Variants in CFHR3 observed in about 807,000 individuals in gnomAD.
The protein encoded by CFHR3 is complement factor H related 3.
CFHR3 carries 22 observed loss-of-function variants against 36.0 expected under a neutral mutation model. The ratio of observed to expected loss-of-function variants is 0.61; its 90% confidence interval spans 0.44 to 0.87. The LOEUF (loss-of-function observed/expected upper bound fraction) is 0.87. Among genes scored for constraint, CFHR3 ranks in the 40% least tolerant of loss-of-function variants. The pLI is 0.00. For missense variants in CFHR3, 276 were observed against 401.3 expected, an observed-to-expected ratio of 0.69 and a Z score of 2.67; for synonymous variants, 97 against 137.4, an observed-to-expected ratio of 0.71 and a Z score of 2.06.
intron 3 of CFHR3, among the ~76,000 whole-genome samples, chr1:196,782,482 G>A (rs1449280958): frequency 7.3e-6 from 1 of 136,420 alleles, no homozygotes; most frequent in East Asian, 2.0e-4. Context: ...ATTTCCTTGA[G>A]CAGTGGTTTG....
rs1654256452 is a variant in CFHR3 at position 196,787,507 on chromosome 1, C to T, written c.431-709C>T. On this transcript the variant is annotated intron_variant, in intron 3 of 5. Transcript: ENST00000367425. The stretch of plus-strand genomic sequence containing the variant: ...TTTTGAATTACTAATTAGAAAAGAA[C>T]ATATACATTACTAATATCTTAAAAC... Among the ~76,000 whole-genome samples, 2 of 137,188 alleles carry T rather than the reference C, an allele frequency of 1.5e-5. 1 individual carries two copies. The highest frequency in any genetic ancestry group is 5.0e-4 in the South Asian group (2 of 3,976). 90.0% of individuals were successfully genotyped at this position (137,188 alleles called of 152,430 possible).
chr1:196,780,681 A>C lies in CFHR3; in HGVS notation c.430+708A>C, dbSNP rs1653911391. On this transcript the variant is annotated intron_variant, in intron 3 of 5. Coordinates refer to ENST00000367425, the MANE Select transcript of CFHR3 (RefSeq NM_021023.6). ...TCTCTTTTAATTATATGTAATGCAAATGCATTCTCTTTGTGGCTAGTATTG... is the reference window on the plus strand; with the variant it reads ...TCTCTTTTAATTATATGTAATGCAACTGCATTCTCTTTGTGGCTAGTATTG... Among the ~76,000 whole-genome samples the C allele has an allele frequency of 2.2e-5, 3 of 136,794 alleles. 1 individual carries two copies. The highest frequency in any genetic ancestry group is 5.1e-4 in the South Asian group (2 of 3,958). The allele number at this position is 136,794 out of a possible 152,430, so 89.7% of individuals were successfully genotyped here. A position where few individuals can be genotyped will look rare whatever the true frequency, so the allele number is the denominator to read the frequency against.
intron 3 of CFHR3, among the ~76,000 whole-genome samples, chr1:196,780,834 G>T: frequency 7.6e-6 from 1 of 132,330 alleles, no homozygotes. Context: ...AAGTTTTAGG[G>T]TACATGTGCA....
rs531299128 is a variant in CFHR3, at chr1:196,794,667, G to A, written c.*1154G>A. 2.8e-6 allele frequency: 1 copy of A among 352,156 alleles called. No individual in the cohort carries two copies. Among genetic ancestry groups the A allele is most frequent in the Non-Finnish European group, 5.5e-6 (1 of 183,072 alleles). The allele number at this position is 352,156 out of a possible 1,614,324, so 21.8% of individuals were successfully genotyped here. ...ATTGCCTTCACTCTCTTTCTGTTCT[G>A]TACTTTTCTTTGTATATAAGGATTT... On this transcript the variant is annotated 3_prime_UTR_variant, in exon 6 of 6. Transcript: ENST00000367425.
intron 3 of CFHR3, among the ~76,000 whole-genome samples, chr1:196,785,379 G>T (rs1654154044): frequency 7.4e-6 from 1 of 134,362 alleles, no homozygotes. Flanking sequence ...AGTTCTCCTG[G>T]ATAATATCCT....
rs1184581397 is a variant in CFHR3, at chr1:196,787,889, T to C, written c.431-327T>C. Reference sequence around the variant, plus strand: ...AATAGTACCAAAAATACTCAGGTTGTTGCAAAGTAGCCAGAAAGTCTTCCA... The same window carrying C: ...AATAGTACCAAAAATACTCAGGTTGCTGCAAAGTAGCCAGAAAGTCTTCCA... On this transcript the variant is annotated intron_variant, in intron 3 of 5. Coordinates refer to ENST00000367425, the MANE Select transcript of CFHR3 (RefSeq NM_021023.6). 1.5e-5 allele frequency among the ~76,000 whole-genome samples: 2 copies of C among 137,176 alleles called. 1 individual carries two copies. Among genetic ancestry groups the C allele is most frequent in the Non-Finnish European group, 3.1e-5 (2 of 64,620 alleles). The allele number at this position is 137,176 out of a possible 152,430, so 90.0% of individuals were successfully genotyped here.
At position 196,783,670 on chromosome 1, in the gene CFHR3, T is replaced by A. The variant is rs567008048; in HGVS notation, c.430+3697T>A. Among the ~76,000 whole-genome samples the A allele has an allele frequency of 6.6e-5, 9 of 136,046 alleles. 1 individual carries two copies. Among genetic ancestry groups the A allele is most frequent in the Non-Finnish European group, 1.2e-4 (8 of 64,356 alleles). The allele number at this position is 136,046 out of a possible 152,430, so 89.3% of individuals were successfully genotyped here. The stretch of plus-strand genomic sequence containing the variant: ...TGATATCCCCTTTATCATTTTTTAT[T>A]GTGTCTATTTGATTCATCTCTCTTT... On this transcript the variant is annotated intron_variant, in intron 3 of 5. Transcript: ENST00000367425.
intron 1 of CFHR3, among the ~76,000 whole-genome samples, chr1:196,777,054 T>C (rs1432048334): frequency 7.3e-6 from 1 of 136,508 alleles, no homozygotes; most frequent in Non-Finnish European, 1.6e-5. Flanking sequence ...TTGCTTATGC[T>C]AAGAATTTTT....
In CFHR3 at chr1:196,795,224, A is replaced by G. The variant is rs1168918484; in HGVS notation, c.*1711A>G. ...GGAGCAGTTTCCCCATACCCCACTC[A>G]TGGTAGTAAATACATCTCATGAGAT... On this transcript the variant is annotated 3_prime_UTR_variant, in exon 6 of 6. Transcript: ENST00000367425. The G allele has an allele frequency of 7.4e-6, 1 of 136,002 alleles. No individual in the cohort carries two copies. The highest frequency in any genetic ancestry group is 1.6e-5 in the Non-Finnish European group (1 of 64,326). 8.4% of individuals were successfully genotyped at this position (136,002 alleles called of 1,614,324 possible). A position where few individuals can be genotyped will look rare whatever the true frequency, so the allele number is the denominator to read the frequency against.
Position 196,793,737 on chromosome 1 carries a change from T to G in CFHR3, c.*224T>G. The G allele has an allele frequency of 2.5e-6, 1 of 402,546 alleles. No individual in the cohort carries two copies. Among genetic ancestry groups the G allele is most frequent in the Non-Finnish European group, 4.3e-6 (1 of 232,932 alleles). The allele number at this position is 402,546 out of a possible 1,614,324, so 24.9% of individuals were successfully genotyped here. A position where few individuals can be genotyped will look rare whatever the true frequency, so the allele number is the denominator to read the frequency against. ...CTTGTACTAAAATAATAAAAACTAC[T>G]CTTATATTGGACTTCTTATCAATGA... On this transcript the variant is annotated 3_prime_UTR_variant, in exon 6 of 6. Transcript: ENST00000367425.
chr1:196,787,037 G>A (rs1259702042), intron 3 of CFHR3, among the ~76,000 whole-genome samples: 1 of 137,548 alleles, frequency 7.3e-6, no homozygotes, highest in Non-Finnish European at 1.5e-5. Flanking sequence ...TACTTTTTAA[G>A]TAAAGGGGAC....
intron 3 of CFHR3, among the ~76,000 whole-genome samples, chr1:196,786,805 C>T (rs978736170): frequency 7.3e-6 from 1 of 137,168 alleles, no homozygotes; most frequent in East Asian, 2.0e-4. Flanking sequence ...CGGTGCGCTG[C>T]ACCCATTGTC....
At chr1:196,778,723 T>C (rs1171441509) in intron 1 of CFHR3, among the ~76,000 whole-genome samples, 1 of 136,588 alleles carries the variant, frequency 7.3e-6, no homozygotes, top group Non-Finnish European at 1.6e-5. Flanking sequence ...ATGTTTAGAG[T>C]CATATTTCTT....
At position 196,793,665 on chromosome 1, in the gene CFHR3, A is replaced by C; in HGVS notation, c.*152A>C. On this transcript the variant is annotated 3_prime_UTR_variant, in exon 6 of 6. Coordinates refer to ENST00000367425, the MANE Select transcript of CFHR3 (RefSeq NM_021023.6). The stretch of plus-strand genomic sequence containing the variant: ...ATATAATAGTTTCAATTTGCAACTT[A>C]ATATATTCTCAAAAATATATTAAAA... 2.8e-6 allele frequency: 2 copies of C among 727,030 alleles called. No individual in the cohort carries two copies. The highest frequency in any genetic ancestry group is 4.2e-6 in the Non-Finnish European group (2 of 474,626). The allele number at this position is 727,030 out of a possible 1,614,324, so 45.0% of individuals were successfully genotyped here.
Position 196,789,208 on chromosome 1 carries a change from A to G in CFHR3, c.613+810A>G, listed in dbSNP as rs1382791254. On this transcript the variant is annotated intron_variant, in intron 4 of 5. Transcript: ENST00000367425. ...ATACTCCCAAATCCACTTCATTTTC[A>G]AGGGTACAATTCAACTATTTTTAGT... 9 of 902,224 alleles carry G rather than the reference A, an allele frequency of 1.0e-5. 1 individual carries two copies. In the Admixed American group the frequency reaches 4.9e-4, roughly 50 times the overall value. The allele number at this position is 902,224 out of a possible 1,614,324, so 55.9% of individuals were successfully genotyped here. A position where few individuals can be genotyped will look rare whatever the true frequency, so the allele number is the denominator to read the frequency against.
chr1:196,789,555 A>C, intron 4 of CFHR3: 1 of 1,049,284 alleles, frequency 9.5e-7, no homozygotes, highest in African/African-American at 2.2e-5. Flanking sequence ...TTTATCTAAT[A>C]TATACACCCT....
At position 196,776,981 on chromosome 1, in the gene CFHR3, G is replaced by C. The variant is rs1170121534; in HGVS notation, c.58+2037G>C. Among the ~76,000 whole-genome samples the C allele has an allele frequency of 2.2e-5, 3 of 134,692 alleles. 1 individual carries two copies. Among genetic ancestry groups the C allele is most frequent in the African/African-American group, 9.4e-5 (3 of 31,842 alleles). The allele number at this position is 134,692 out of a possible 152,430, so 88.4% of individuals were successfully genotyped here. On this transcript the variant is annotated intron_variant, in intron 1 of 5. Transcript: ENST00000367425. ...TATTATCTGTATTCATCTATATTCAGAATCTAGTAAATCGAATCAGCAAAT... is the reference window on the plus strand; with the variant it reads ...TATTATCTGTATTCATCTATATTCACAATCTAGTAAATCGAATCAGCAAAT...
intron 3 of CFHR3, among the ~76,000 whole-genome samples, chr1:196,785,632 C>T (rs543195336): frequency 7.3e-6 from 1 of 137,320 alleles, no homozygotes; most frequent in East Asian, 2.0e-4. Flanking sequence ...ACGTAGTTCT[C>T]GAGCCTTGGC....
At chr1:196,788,483 A>G in intron 4 of CFHR3, 85 bp downstream of exon 4, 1 of 1,487,862 alleles carries the variant, frequency 6.7e-7, no homozygotes, top group Non-Finnish European at 9.0e-7. Context: ...AAAATATAGA[A>G]AACAATTTTA....
Sources: gnomAD v4.1 joint callset for allele counts (sites outside exome capture counted in the v4.1 genomes callset) on GRCh38, gnomAD v4.1.1 for gene constraint, MANE v1.5 for transcripts, NCBI Gene and HGNC (gene_info 2026-07-23, HGNC 2026-07-21) for gene names.